MACC1: variants seen among roughly 807,000 people sequenced by gnomAD.
MACC1 encodes metastasis-associated in colon cancer protein 1.
Under a neutral mutation model 70.7 loss-of-function variants are expected in MACC1, and 79 were observed. The ratio of observed to expected loss-of-function variants is 1.12; its 90% CI spans 0.93 to 1.35. MACC1 has a LOEUF of 1.35. MACC1 is among the 40% of genes most tolerant of loss of function. The probability of loss-of-function intolerance (pLI) is 0.00; values close to 1 mark genes in which losing one functional copy is unlikely to be tolerated. For missense variants in MACC1, 1,106 were observed against 978.1 expected (o/e 1.13, Z -1.74); for synonymous variants, 361 against 347.2 (o/e 1.04, Z -0.44).
intron 1 of MACC1, among the ~76,000 whole-genome samples, chr7:20,174,168 A>C (rs975450388): frequency 1.3e-5 from 2 of 152,180 alleles, no homozygotes; most frequent in African/African-American, 4.8e-5. Flanking sequence ...ATATTGGTGT[A>C]ATTATTAAAA....
intron 1 of MACC1, chr7:20,185,019 A>G (rs1275185197): frequency 1.3e-5 from 2 of 152,182 alleles, no homozygotes; most frequent in Non-Finnish European, 2.9e-5. Flanking sequence ...ATTATGATTC[A>G]CAGAGAACTT....
At chr7:20,190,682 A>C (rs1478678695) in intron 1 of MACC1, among the ~76,000 whole-genome samples, 1 of 152,238 alleles carries the variant, frequency 6.6e-6, no homozygotes, top group Non-Finnish European at 1.5e-5. Flanking sequence ...AAACGAAAAA[A>C]AATGGAAAGG....
At chr7:20,212,149 G>T (rs765505456) in intron 1 of MACC1, among the ~76,000 whole-genome samples, 1 of 152,140 alleles carries the variant, frequency 6.6e-6, no homozygotes, top group Non-Finnish European at 1.5e-5. Flanking sequence ...ATTAAGCAGG[G>T]TACTTTTTTA....
At chr7:20,149,779 G>T (rs1781947790) in intron 6 of MACC1, among the ~76,000 whole-genome samples, 1 of 151,852 alleles carries the variant, frequency 6.6e-6, no homozygotes, top group South Asian at 2.1e-4. Flanking sequence ...TTACTCAAAG[G>T]CCACCCATCC....
At chr7:20,168,292 G>A (rs1219383341) in intron 2 of MACC1, among the ~76,000 whole-genome samples, 2 of 151,978 alleles carry the variant, frequency 1.3e-5, no homozygotes, top group South Asian at 2.1e-4. Context: ...AACAAAATAA[G>A]TGAATAAATA....
Position 20,135,505 on chromosome 7 carries a change from G to C in MACC1, c.*5441C>G, listed in dbSNP as rs1365986374. On this transcript the variant is annotated 3_prime_UTR_variant, in exon 7 of 7. Coordinates refer to ENST00000400331, the MANE Select transcript of MACC1 (RefSeq NM_182762.4). Reference sequence around the variant, plus strand: ...TAGAGATGAAGGAAATTTTAATACAGTGGTTCTCAAACTGGGGTCCCTGGA... The same window carrying C: ...TAGAGATGAAGGAAATTTTAATACACTGGTTCTCAAACTGGGGTCCCTGGA... 2 of 152,154 alleles carry C rather than the reference G, an allele frequency of 1.3e-5. No individual in the cohort carries two copies. The highest frequency in any genetic ancestry group is 2.9e-5 in the Non-Finnish European group (2 of 68,036). The allele number at this position is 152,154 out of a possible 1,614,324, so 9.4% of individuals were successfully genotyped here.
intron 1 of MACC1, chr7:20,184,907 A>T (rs186758435): frequency 1.3e-5 from 2 of 152,284 alleles, no homozygotes; most frequent in African/African-American, 4.8e-5. Flanking sequence ...GTATATTATA[A>T]TTGATTTTAT....
chr7:20,181,511 T>C (rs1273201548), intron 1 of MACC1, among the ~76,000 whole-genome samples: 1 of 152,118 alleles, frequency 6.6e-6, no homozygotes, highest in East Asian at 1.9e-4. Flanking sequence ...GCAATCATTG[T>C]ATTAATTTAA....
At chr7:20,190,372 CA>C (rs1466381901) in intron 1 of MACC1, among the ~76,000 whole-genome samples, 1 of 152,044 alleles carries the variant, frequency 6.6e-6, no homozygotes, top group Admixed American at 6.6e-5. Context: ...TGATCCTAAT[CA>C]TTTATTTTTT....
chr7:20,169,607 T>C (rs1467548838), intron 2 of MACC1, among the ~76,000 whole-genome samples: 1 of 152,226 alleles, frequency 6.6e-6, no homozygotes, highest in Admixed American at 6.5e-5. Context: ...CTGGTTGTCA[T>C]CAGTCAGCAA....
At chr7:20,146,927 G>A (rs187811362) in intron 6 of MACC1, among the ~76,000 whole-genome samples, 2,700 of 152,186 alleles carry the variant, frequency 0.018, 52 homozygotes, top group Non-Finnish European at 0.025. Context: ...TGAATAGGAA[G>A]CGTGAGGCTG....
At position 20,164,324 on chromosome 7, in the gene MACC1, A is replaced by G. The variant is rs536432372; in HGVS notation, c.-77T>C. The G allele has an allele frequency of 1.3e-5, 2 of 151,610 alleles. No individual in the cohort carries two copies. The highest frequency in any genetic ancestry group is 3.9e-4 in the East Asian group (2 of 5,160). The allele number at this position is 151,610 out of a possible 1,614,324, so 9.4% of individuals were successfully genotyped here. Reference sequence around the variant, plus strand: ...GTGACCCCTCCTTCTTTATTGTTATACTCTTCTTTCTAATTCTTGATTTTT... The same window carrying G: ...GTGACCCCTCCTTCTTTATTGTTATGCTCTTCTTTCTAATTCTTGATTTTT... On this transcript the variant is annotated 5_prime_UTR_variant, in exon 3 of 7. Transcript: ENST00000400331.
At chr7:20,168,972 A>G (rs1263155398) in intron 2 of MACC1, among the ~76,000 whole-genome samples, 3 of 152,204 alleles carry the variant, frequency 2.0e-5, no homozygotes, top group African/African-American at 7.2e-5. Context: ...AATTGAGATG[A>G]GTAGCTAAAA....
intron 6 of MACC1, among the ~76,000 whole-genome samples, chr7:20,143,995 T>C (rs1409768719): frequency 6.6e-6 from 1 of 152,250 alleles, no homozygotes; most frequent in Non-Finnish European, 1.5e-5. Flanking sequence ...TATTCCATTT[T>C]TCTTCCTCAT....
intron 2 of MACC1, among the ~76,000 whole-genome samples, chr7:20,165,191 C>T (rs1695572738): frequency 6.6e-6 from 1 of 152,160 alleles, no homozygotes; most frequent in South Asian, 2.1e-4. Context: ...AACTCAGTGG[C>T]ACCAGGATCA....
At chr7:20,154,511 C>G in intron 5 of MACC1, 130 bp from the exon 6 acceptor site, 1 of 940,528 alleles carries the variant, frequency 1.1e-6, no homozygotes, top group Non-Finnish European at 1.5e-6. Context: ...ATCGAGTTTT[C>G]TAAAGCTCAA....
At chr7:20,195,456 T>C (rs1203700763) in intron 1 of MACC1, among the ~76,000 whole-genome samples, 4 of 152,220 alleles carry the variant, frequency 2.6e-5, no homozygotes, top group Admixed American at 1.3e-4. Flanking sequence ...TAAAGTAACA[T>C]ATGTATTCAA....
chr7:20,190,437 A>C (rs1321926017), intron 1 of MACC1, among the ~76,000 whole-genome samples: 1 of 152,198 alleles, frequency 6.6e-6, no homozygotes, highest in Non-Finnish European at 1.5e-5. Context: ...TTTTTATTGA[A>C]TCTTGACATT....
intron 6 of MACC1, among the ~76,000 whole-genome samples, chr7:20,143,041 A>G (rs1781829685): frequency 1.3e-5 from 2 of 152,220 alleles, no homozygotes; most frequent in Non-Finnish European, 1.5e-5. Context: ...AGACATCTCA[A>G]GAATTATAAA....
Sources: gnomAD v4.1 joint callset for allele counts (sites outside exome capture counted in the v4.1 genomes callset) on GRCh38, gnomAD v4.1.1 for gene constraint, MANE v1.5 for transcripts, NCBI Gene and HGNC (gene_info 2026-07-23, HGNC 2026-07-21) for gene names.